Variants in SRM observed in about 807,000 individuals in gnomAD.
SRM encodes spermidine synthase, also known as putrescine aminopropyltransferase.
SRM carries 14 observed loss-of-function variants against 39.3 expected under a neutral mutation model. The observed-to-expected ratio is 0.36, with a 90% CI of 0.24 to 0.56. The LOEUF (loss-of-function observed/expected upper bound fraction) is 0.56. Among genes scored for constraint, SRM ranks in the 20% least tolerant of loss-of-function variants. The pLI is 0.86. For missense variants in SRM, 244 were observed against 409.2 expected (o/e 0.60, Z 3.48); for synonymous variants, 195 against 173.1 (o/e 1.13, Z -0.99).
chr1:11,058,727 G>T, intron 3 of SRM, 73 bp downstream of exon 3: 2 of 1,349,042 alleles, frequency 1.5e-6, no homozygotes, highest in Non-Finnish European at 2.0e-6. Context: ...GCTCGGGGGT[G>T]TGCAGCCATT....
intron 6 of SRM, 31 bp downstream of exon 6, chr1:11,055,750 C>G: frequency 6.7e-7 from 1 of 1,502,846 alleles, no homozygotes; most frequent in South Asian, 1.2e-5. Flanking sequence ...ACCTTCCCCC[C>G]AACCCCCACC....
intron 3 of SRM, among the ~76,000 whole-genome samples, chr1:11,058,417 C>T (rs1475898836): frequency 2.0e-5 from 3 of 151,824 alleles, no homozygotes; most frequent in African/African-American, 7.3e-5. Context: ...CAAAATTAGC[C>T]GGGCATGGTA....
Position 11,056,133 on chromosome 1 carries a change from TG to T in SRM, c.536-40del, listed in dbSNP as rs776981710. The T allele has an allele frequency of 2.6e-6, 4 of 1,552,150 alleles. No individual in the cohort carries two copies. The African/African-American group carries it at 5.4e-5, about 21-fold the overall frequency. ...AGGGAGACACACTGAACAGTCTGGC[TG>T]TGACCTCCAGGGCCACTGTCACCCA... On this transcript the variant is annotated intron_variant, in intron 4 of 7. Transcript: ENST00000376957.
chr1:11,059,695 C>T, intron 1 of SRM, 82 bp downstream of exon 1: 1 of 1,445,234 alleles, frequency 6.9e-7, no homozygotes, highest in Non-Finnish European at 9.2e-7. Flanking sequence ...GCTTGGGTCC[C>T]GGCGTGGAGA....
At position 11,054,700 on chromosome 1, in the gene SRM, A is replaced by G. The variant is rs1638836475; in HGVS notation, c.*165T>C. On this transcript the variant is annotated 3_prime_UTR_variant, in exon 8 of 8. Transcript: ENST00000376957. This position sits in a 1 kb window ranked among gnomAD's most constrained non-coding sequence, Gnocchi z 4.8. ...TGGAACGCCAGAGAGACAGACACACAGACAGTCCGCCCAGCAGGGCAGGCC... is the reference window on the plus strand; with the variant it reads ...TGGAACGCCAGAGAGACAGACACACGGACAGTCCGCCCAGCAGGGCAGGCC... The G allele has an allele frequency of 2.0e-6, 2 of 1,005,252 alleles. No individual in the cohort carries two copies. The highest frequency in any genetic ancestry group is 2.8e-6 in the Non-Finnish European group (2 of 706,396). The allele number at this position is 1,005,252 out of a possible 1,614,324, so 62.3% of individuals were successfully genotyped here.
chr1:11,058,017 G>A (rs763209431), intron 3 of SRM, among the ~76,000 whole-genome samples: 4 of 152,018 alleles, frequency 2.6e-5, no homozygotes, highest in Non-Finnish European at 5.9e-5. Flanking sequence ...GACCTCAGGT[G>A]ATCTGCCCGC....
At chr1:11,056,215 C>T (rs1041657586) in intron 4 of SRM, 121 bp from the exon 5 acceptor site, 63 of 887,872 alleles carry the variant, frequency 7.1e-5, no homozygotes, top group Non-Finnish European at 1.0e-4. Context: ...GGGGGATCCA[C>T]ACCTGAATCC....
At chr1:11,059,525 G>A (rs1638939514) in intron 1 of SRM, 180 bp from the exon 2 acceptor site, 4 of 1,106,720 alleles carry the variant, frequency 3.6e-6, no homozygotes, top group East Asian at 2.5e-5. Flanking sequence ...GGTGGGACCC[G>A]GGGTCTCCTC....
Position 11,056,744 on chromosome 1 carries a change from A to G in SRM, c.395T>C (p.Val132Ala). 2 of 1,614,098 alleles carry G rather than the reference A, an allele frequency of 1.2e-6. No individual in the cohort carries two copies. Among genetic ancestry groups the G allele is most frequent in the South Asian group, 2.2e-5 (2 of 91,076 alleles). The change falls in exon 4 of 8, where the codon GTC (valine) becomes GCC (alanine). Residue 132 changes from valine (V) to alanine (A), a missense_variant. Physicochemically the swap from Val to Ala is moderately conservative, Grantham distance 64. Transcript: ENST00000376957. ...QCEIDEDVIQ[V>A]SKKFLPGMAI... is the part of the protein sequence containing the mutation. ...CATGCCTGGCAGGAACTTCTTGGAG[A>G]CTTGGATGACATCCTGGAGGGGATG...
At chr1:11,055,760 C>T in intron 6 of SRM, 21 bp downstream of exon 6, 3 of 1,545,066 alleles carry the variant, frequency 1.9e-6, no homozygotes, top group Non-Finnish European at 2.6e-6. Flanking sequence ...CAACCCCCAC[C>T]CCCAGACACC....
In SRM at chr1:11,059,097, C is replaced by T; in HGVS notation, c.288+128G>A. 3.3e-6 allele frequency: 5 copies of T among 1,522,098 alleles called. No homozygotes were observed. The South Asian group carries it at 3.7e-5, about 11-fold the overall frequency. The allele number at this position is 1,522,098 out of a possible 1,614,324, so 94.3% of individuals were successfully genotyped here. ...GGCCGCGTCAGTGTCGGCCCCCACC[C>T]CTCCGCGGGACGCCCCTGGCCTCGC... is the stretch of plus-strand genomic sequence containing the variant. On this transcript the variant is annotated intron_variant, in intron 2 of 7. Coordinates refer to ENST00000376957, the MANE Select transcript of SRM (RefSeq NM_003132.3).
Position 11,054,700 on chromosome 1 carries a change from A to T in SRM, c.*165T>A, listed in dbSNP as rs1638836475. On this transcript the variant is annotated 3_prime_UTR_variant, in exon 8 of 8. Coordinates refer to ENST00000376957, the MANE Select transcript of SRM (RefSeq NM_003132.3). This position sits in a 1 kb window ranked among gnomAD's most constrained non-coding sequence, Gnocchi z 4.8. ...TGGAACGCCAGAGAGACAGACACAC[A>T]GACAGTCCGCCCAGCAGGGCAGGCC... is the stretch of plus-strand genomic sequence containing the variant. The T allele has an allele frequency of 9.9e-7, 1 of 1,005,252 alleles. No individual in the cohort carries two copies. Among genetic ancestry groups the T allele is most frequent in the East Asian group, 2.6e-5 (1 of 37,832 alleles). 62.3% of individuals were successfully genotyped at this position (1,005,252 alleles called of 1,614,324 possible). A position where few individuals can be genotyped will look rare whatever the true frequency, so the allele number is the denominator to read the frequency against.
At chr1:11,057,734 G>C (rs1484826642) in intron 3 of SRM, among the ~76,000 whole-genome samples, 10 of 149,008 alleles carry the variant, frequency 6.7e-5, no homozygotes, top group African/African-American at 2.5e-4. Flanking sequence ...CTGTCCCCCA[G>C]CCCCTGTCTT....
At chr1:11,055,125 T>G in intron 6 of SRM, 41 bp from the exon 7 acceptor site, 1 of 1,474,568 alleles carries the variant, frequency 6.8e-7, no homozygotes, top group Non-Finnish European at 9.1e-7. Context: ...GGGCACTTTT[T>G]TTTTTTTTTT....
At chr1:11,056,329 G>A (rs1638877215) in intron 4 of SRM, among the ~76,000 whole-genome samples, 1 of 152,224 alleles carries the variant, frequency 6.6e-6, no homozygotes, top group Admixed American at 6.5e-5. Flanking sequence ...CCACTTCAGA[G>A]CAGAGGGGAG....
chr1:11,055,958 G>C (rs1274804463), intron 5 of SRM, 32 bp from the exon 6 acceptor site: 1 of 1,589,790 alleles, frequency 6.3e-7, no homozygotes, highest in Non-Finnish European at 8.6e-7. Flanking sequence ...CATCCGGCAG[G>C]GCCTGCCCTG....
In SRM at chr1:11,054,883, G is replaced by T. The variant is rs13616; in HGVS notation, c.891C>A (p.Ala297=). 81,591 of 1,610,676 alleles carry T rather than the reference G, an allele frequency of 0.051. 5,127 individuals carry two copies. The highest frequency in any genetic ancestry group is 0.22 in the African/African-American group (16,271 of 74,876). The change falls in exon 8 of 8, where the codon GCC becomes GCA. Residue 297 remains alanine (A), a splice_region_variant and synonymous_variant. Transcript: ENST00000376957. The surrounding 1 kb of genome is among the most constrained non-coding windows in gnomAD (Gnocchi z 4.8). The part of the protein sequence containing the change: ...AFVLPEFARK[A]LNDVS ...CCTGGGCTCAGCTCACATCATTCAG[G>T]GCCTGGAGGGACATGAGGCCAGTCA...
intron 1 of SRM, 29 bp downstream of exon 1, chr1:11,059,748 G>A: frequency 6.4e-7 from 1 of 1,569,998 alleles, no homozygotes; most frequent in South Asian, 1.1e-5. Flanking sequence ...TGAGCCTAGG[G>A]GGCAGGCGCC....
intron 4 of SRM, 100 bp downstream of exon 4, chr1:11,056,504 G>A (rs1253603698): frequency 1.3e-5 from 18 of 1,426,038 alleles, no homozygotes; most frequent in Non-Finnish European, 1.6e-5. Flanking sequence ...TCTAGTTCGG[G>A]GGGTGGGAGG....
Sources: allele counts gnomAD v4.1 joint callset (sites outside exome capture counted in the v4.1 genomes callset), GRCh38; gene constraint gnomAD v4.1.1; non-coding constraint Gnocchi (gnomAD v3.1); transcripts MANE v1.5; gene names NCBI Gene and HGNC (gene_info 2026-07-23, HGNC 2026-07-21).